VPS13B: variants seen among roughly 807,000 people sequenced by gnomAD.
The protein encoded by VPS13B is intermembrane lipid transfer protein VPS13B.
Under a neutral mutation model 426.4 loss-of-function variants are expected in VPS13B, and 285 were observed. That is an observed-to-expected ratio of 0.67 (90% CI 0.61 to 0.74). The LOEUF is 0.74. Among genes scored for constraint, VPS13B ranks in the 30% least tolerant of loss-of-function variants. The pLI, the probability that VPS13B is intolerant of heterozygous loss-of-function variation, is 0.00. For missense variants in VPS13B, 4,537 were observed against 4,782.6 expected (o/e 0.95, Z 1.51); for synonymous variants, 1,676 against 1,676.4 (o/e 1.00, Z 0.01).
intron 17 of VPS13B, among the ~76,000 whole-genome samples, chr8:99,214,544 A>G: frequency 6.6e-6 from 1 of 152,044 alleles, no homozygotes; most frequent in East Asian, 1.9e-4. Context: ...CATTTTTTTT[A>G]CCAGCATTTT....
chr8:99,510,284 A>G (rs1821716778), intron 28 of VPS13B, among the ~76,000 whole-genome samples: 1 of 152,176 alleles, frequency 6.6e-6, no homozygotes, highest in Admixed American at 6.5e-5. Flanking sequence ...TATTGAAGGA[A>G]AAACTCCATT....
At chr8:99,047,485 G>A (rs79663845) in intron 3 of VPS13B, among the ~76,000 whole-genome samples, 5 of 151,816 alleles carry the variant, frequency 3.3e-5, no homozygotes, top group African/African-American at 1.2e-4. Flanking sequence ...CCAGCTTTTT[G>A]TTTCATTTAT....
At chr8:99,502,999 A>G (rs763850989) in intron 27 of VPS13B, 49 bp downstream of exon 27, 1 of 1,384,020 alleles carries the variant, frequency 7.2e-7, no homozygotes, top group Non-Finnish European at 1.0e-6. Flanking sequence ...TTCTTTGAAC[A>G]AAGTTACCAT....
chr8:99,586,251 ACTT>A (rs1826294546), intron 33 of VPS13B, among the ~76,000 whole-genome samples: 1 of 152,138 alleles, frequency 6.6e-6, no homozygotes, highest in Non-Finnish European at 1.5e-5. Flanking sequence ...CTTCCTGATA[ACTT>A]CTTCTCTTAA....
At chr8:99,641,006 A>G (rs1829336249) in intron 33 of VPS13B, among the ~76,000 whole-genome samples, 1 of 152,210 alleles carries the variant, frequency 6.6e-6, no homozygotes, top group Non-Finnish European at 1.5e-5. Context: ...ACTGATGGTT[A>G]GGCAGTCTAA....
intron 33 of VPS13B, among the ~76,000 whole-genome samples, chr8:99,623,853 A>AT (rs938990059): frequency 6.6e-6 from 1 of 151,932 alleles, no homozygotes; most frequent in Non-Finnish European, 1.5e-5. Context: ...TGAAAATCAG[A>AT]TACTCTCCAC....
intron 24 of VPS13B, among the ~76,000 whole-genome samples, chr8:99,474,660 A>T (rs978416759): frequency 2.6e-4 from 39 of 152,212 alleles, no homozygotes; most frequent in Non-Finnish European, 1.6e-4. Context: ...ATGAAGAAAT[A>T]GAAATACACA....
chr8:99,527,132 A>G (rs1020800860), intron 30 of VPS13B, among the ~76,000 whole-genome samples: 3 of 151,548 alleles, frequency 2.0e-5, no homozygotes, highest in African/African-American at 4.9e-5. Context: ...CTCCATTCTC[A>G]GTCTTTCCCA....
At chr8:99,587,409 C>T (rs1190415448) in intron 33 of VPS13B, among the ~76,000 whole-genome samples, 1 of 151,466 alleles carries the variant, frequency 6.6e-6, no homozygotes, top group Non-Finnish European at 1.5e-5. Context: ...CTGTCTTCCA[C>T]AATGGTTCAA....
chr8:99,541,295 CT>C (rs1225886022), intron 30 of VPS13B, among the ~76,000 whole-genome samples: 1 of 151,996 alleles, frequency 6.6e-6, no homozygotes, highest in African/African-American at 2.4e-5. Context: ...TGATATGGTA[CT>C]AAATCAACTT....
At chr8:99,369,584 C>T (rs1213081351) in intron 19 of VPS13B, among the ~76,000 whole-genome samples, 2 of 151,942 alleles carry the variant, frequency 1.3e-5, no homozygotes, top group African/African-American at 4.8e-5. Context: ...TTGTCTGGGA[C>T]AAGGGGAAAG....
intron 33 of VPS13B, among the ~76,000 whole-genome samples, chr8:99,591,285 C>T (rs189416286): frequency 7.3e-4 from 109 of 150,030 alleles, no homozygotes; most frequent in African/African-American, 2.3e-3. Flanking sequence ...AGCACATTGA[C>T]GGGTCTTGAC....
intron 17 of VPS13B, among the ~76,000 whole-genome samples, chr8:99,219,019 G>C (rs1023699345): frequency 5.9e-5 from 9 of 152,158 alleles, no homozygotes; most frequent in African/African-American, 1.9e-4. Context: ...ACCTCATCCT[G>C]GAATGGGCCC....
intron 2 of VPS13B, among the ~76,000 whole-genome samples, chr8:99,015,800 G>C (rs562627486): frequency 1.0e-3 from 156 of 152,166 alleles, no homozygotes; most frequent in African/African-American, 3.6e-3. Context: ...TTATTTGGGA[G>C]ACTGAGGCAG....
intron 19 of VPS13B, among the ~76,000 whole-genome samples, chr8:99,360,979 G>A (rs989026991): frequency 6.6e-6 from 1 of 152,066 alleles, no homozygotes; most frequent in African/African-American, 2.4e-5. Context: ...GTTCTTTTCT[G>A]TTCTCTTTTA....
At chr8:99,720,774 T>C (rs1833100214) in intron 38 of VPS13B, 89 bp from the exon 39 acceptor site, 2 of 1,331,180 alleles carry the variant, frequency 1.5e-6, no homozygotes, top group African/African-American at 1.5e-5. Flanking sequence ...TTTATATCTT[T>C]TATTCTCATA....
At chr8:99,119,559 G>A (rs916801763) in intron 7 of VPS13B, 1 of 151,766 alleles carries the variant, frequency 6.6e-6, no homozygotes, top group African/African-American at 2.4e-5. Flanking sequence ...GGCCCAACAG[G>A]GTTTGCACCT....
At chr8:99,770,913 G>A (rs971439059) in intron 40 of VPS13B, among the ~76,000 whole-genome samples, 4 of 152,178 alleles carry the variant, frequency 2.6e-5, no homozygotes, top group Non-Finnish European at 4.4e-5. Flanking sequence ...TTCTTACCAG[G>A]TGACTAACCC....
chr8:99,215,173 G>A (rs1204804442), intron 17 of VPS13B, among the ~76,000 whole-genome samples: 1 of 152,050 alleles, frequency 6.6e-6, no homozygotes, highest in African/African-American at 2.4e-5. Context: ...CTTTTTTGGT[G>A]AATGTTCAAA....
Sources: gnomAD v4.1 joint callset for allele counts (sites outside exome capture counted in the v4.1 genomes callset) on GRCh38, gnomAD v4.1.1 for gene constraint, MANE v1.5 for transcripts, NCBI Gene and HGNC (gene_info 2026-07-23, HGNC 2026-07-21) for gene names.